TXNRD1: variants seen among roughly 807,000 people sequenced by gnomAD.
TXNRD1 encodes the protein thioredoxin reductase 1.
In TXNRD1, 57 loss-of-function variants were observed where a neutral mutation model predicts 80.3. The observed-to-expected ratio is 0.71, with a 90% CI of 0.57 to 0.89. TXNRD1 has a LOEUF of 0.89. Among genes scored for constraint, TXNRD1 ranks in the 40% least tolerant of loss-of-function variants. The pLI is 0.00. For synonymous variants in TXNRD1, 291 were observed against 285.2 expected (o/e 1.02, Z -0.20); for missense variants, 730 against 803.0 (o/e 0.91, Z 1.10).
chr12:104,318,614 A>G (rs1161768735), intron 7 of TXNRD1, among the ~76,000 whole-genome samples: 1 of 152,226 alleles, frequency 6.6e-6, no homozygotes, highest in Non-Finnish European at 1.5e-5. Context: ...AAGCCTTAAT[A>G]TATCCCAGAA....
intron 5 of TXNRD1, among the ~76,000 whole-genome samples, chr12:104,312,854 G>A (rs1340306681): frequency 1.3e-5 from 2 of 152,156 alleles, no homozygotes; most frequent in Non-Finnish European, 2.9e-5. Context: ...GATACAGGTT[G>A]CATTAAGGGC....
At chr12:104,293,622 T>C (rs2034307505) in intron 4 of TXNRD1, among the ~76,000 whole-genome samples, 1 of 152,090 alleles carries the variant, frequency 6.6e-6, no homozygotes, top group South Asian at 2.1e-4. Flanking sequence ...AGCTTATTTT[T>C]GTATTTTTTG....
intron 15 of TXNRD1, among the ~76,000 whole-genome samples, chr12:104,336,238 A>G (rs909624100): frequency 1.3e-5 from 2 of 152,168 alleles, no homozygotes; most frequent in South Asian, 2.1e-4. Flanking sequence ...TCTTTTTTCA[A>G]TGTTACATTT....
chr12:104,229,144 C>CTTTTTTT (rs56077479), intron 1 of TXNRD1, among the ~76,000 whole-genome samples: 1 of 106,080 alleles, frequency 9.4e-6, no homozygotes, highest in Non-Finnish European at 1.8e-5. Flanking sequence ...CATTACTTTT[C>CTTTTTTT]TTTTTTTTTT....
intron 15 of TXNRD1, 132 bp from the exon 16 acceptor site, chr12:104,339,007 C>T (rs905925236): frequency 9.7e-5 from 121 of 1,242,796 alleles, no homozygotes; most frequent in East Asian, 2.4e-4. Flanking sequence ...TGAGCCACTG[C>T]GCCCGGCCAG....
intron 2 of TXNRD1, among the ~76,000 whole-genome samples, chr12:104,253,975 G>T (rs2033185331): frequency 6.6e-6 from 1 of 152,206 alleles, no homozygotes; most frequent in Non-Finnish European, 1.5e-5. Context: ...TTATAGGCGT[G>T]AGCCACTGCG....
intron 15 of TXNRD1, among the ~76,000 whole-genome samples, chr12:104,335,823 T>C (rs1366194756): frequency 6.6e-6 from 1 of 152,244 alleles, no homozygotes; most frequent in Non-Finnish European, 1.5e-5. Context: ...TTAAGCCATG[T>C]ATCCTATTTG....
Position 104,314,828 on chromosome 12 carries a change from A to G in TXNRD1, c.611-949A>G, listed in dbSNP as rs146053642. Among the ~76,000 whole-genome samples the G allele has an allele frequency of 3.5e-3, 457 of 130,708 alleles. 3 individuals are homozygous for G. The highest frequency in any genetic ancestry group is 4.6e-3 in the Non-Finnish European group (301 of 65,230). 85.7% of individuals were successfully genotyped at this position (130,708 alleles called of 152,430 possible). A position where few individuals can be genotyped will look rare whatever the true frequency, so the allele number is the denominator to read the frequency against. ...GCTATCTCGGCTCACTGCAACCTCC[A>G]CCTCCTGGGTACAAGCAGTTCTCCT... On this transcript the variant is annotated intron_variant, in intron 6 of 16. Coordinates refer to ENST00000525566, the MANE Select transcript of TXNRD1 (RefSeq NM_001093771.3).
chr12:104,279,122 A>G (rs924875743), intron 3 of TXNRD1, among the ~76,000 whole-genome samples: 1 of 152,234 alleles, frequency 6.6e-6, no homozygotes, highest in African/African-American at 2.4e-5. Flanking sequence ...TGTACTAGCC[A>G]TCTTTTATGT....
chr12:104,240,804 A>T (rs2032841724), intron 1 of TXNRD1, among the ~76,000 whole-genome samples: 1 of 147,474 alleles, frequency 6.8e-6, no homozygotes, highest in African/African-American at 2.5e-5. Context: ...GTGCAATGGC[A>T]CTATCTCGAC....
At position 104,348,598 on chromosome 12, in the gene TXNRD1, C is replaced by G; in HGVS notation, c.*177C>G. On this transcript the variant is annotated 3_prime_UTR_variant, in exon 17 of 17. Coordinates refer to ENST00000525566, the MANE Select transcript of TXNRD1 (RefSeq NM_001093771.3). ...TAGGAGTTGGTGAATAGAAGGCAGG[C>G]AGCATCACACTGGGGTCACTGACAG... 1 of 597,162 alleles carries G rather than the reference C, an allele frequency of 1.7e-6. No homozygotes were observed. 37.0% of individuals were successfully genotyped at this position (597,162 alleles called of 1,614,324 possible).
intron 3 of TXNRD1, chr12:104,265,765 C>T: frequency 6.3e-7 from 1 of 1,587,904 alleles, no homozygotes; most frequent in South Asian, 1.1e-5. Flanking sequence ...GATCAAGTTC[C>T]CGCTGCCCCA....
At chr12:104,311,169 A>G (rs2035118746) in intron 4 of TXNRD1, 121 bp from the exon 5 acceptor site, 1 of 1,126,080 alleles carries the variant, frequency 8.9e-7, no homozygotes, top group Admixed American at 2.8e-5. Flanking sequence ...GCTGTAATTA[A>G]ACAGCATCTT....
At chr12:104,325,206 G>A in intron 10 of TXNRD1, 131 bp from the exon 11 acceptor site, 1 of 665,498 alleles carries the variant, frequency 1.5e-6, no homozygotes, top group Non-Finnish European at 2.7e-6. Flanking sequence ...AAGTGAGGGA[G>A]ATGGGACATA....
intron 2 of TXNRD1, among the ~76,000 whole-genome samples, chr12:104,254,652 T>C (rs200083530): frequency 4.1e-5 from 2 of 48,830 alleles, no homozygotes; most frequent in Admixed American, 4.9e-4. Context: ...AAAATATATA[T>C]ATATATATAT....
intron 4 of TXNRD1, among the ~76,000 whole-genome samples, chr12:104,303,524 G>A (rs58078551): frequency 0.039 from 5,902 of 152,322 alleles, 167 homozygotes; most frequent in Middle Eastern, 0.12. Context: ...TTAAAGTGAG[G>A]TGATCCAGTC....
intron 16 of TXNRD1, among the ~76,000 whole-genome samples, chr12:104,347,860 A>T (rs999224463): frequency 1.1e-4 from 16 of 152,236 alleles, no homozygotes; most frequent in African/African-American, 3.6e-4. Context: ...GGGTAACAAA[A>T]GAATCTACAT....
At chr12:104,291,047 G>A (rs920309498) in intron 4 of TXNRD1, 4 of 685,310 alleles carry the variant, frequency 5.8e-6, no homozygotes, top group East Asian at 2.8e-5. Context: ...GGGCTCAAGC[G>A]ATCATCCGGC....
intron 13 of TXNRD1, among the ~76,000 whole-genome samples, chr12:104,328,792 T>G (rs990737922): frequency 6.6e-6 from 1 of 151,370 alleles, no homozygotes; most frequent in Non-Finnish European, 1.5e-5. Flanking sequence ...AAAATATCTG[T>G]TTTAGGATGT....
Sources: gnomAD v4.1 joint callset for allele counts (sites outside exome capture counted in the v4.1 genomes callset) on GRCh38, gnomAD v4.1.1 for gene constraint, MANE v1.5 for transcripts, NCBI Gene and HGNC (gene_info 2026-07-23, HGNC 2026-07-21) for gene names.